Variants in DAB1 observed in about 807,000 individuals in gnomAD.
The protein encoded by DAB1 is DAB adaptor protein 1.
In DAB1, 15 loss-of-function variants were observed where a neutral mutation model predicts 64.6. That is an observed-to-expected ratio of 0.23 (90% CI 0.16 to 0.36). The LOEUF is 0.36. Among genes scored for constraint, DAB1 ranks in the 10% least tolerant of loss-of-function variants. DAB1 has a pLI of 1.00. For missense variants in DAB1, 596 were observed against 706.7 expected (o/e 0.84, Z 1.78); for synonymous variants, 235 against 251.9 (o/e 0.93, Z 0.64).
At chr1:57,977,821 C>G (rs538838949) in intron 5 of DAB1, among the ~76,000 whole-genome samples, 1 of 152,158 alleles carries the variant, frequency 6.6e-6, no homozygotes, top group Admixed American at 6.5e-5. Flanking sequence ...ACAATTGCTA[C>G]AAAGAGAATA....
At chr1:57,629,735 GA>G (rs35634554) in intron 7 of DAB1, among the ~76,000 whole-genome samples, 70,681 of 143,100 alleles carry the variant, frequency 0.49, 17,600 homozygotes, top group East Asian at 0.69. Flanking sequence ...TCAAGAACTT[GA>G]AAAAAAAAAA....
intron 2 of DAB1, among the ~76,000 whole-genome samples, chr1:57,228,188 A>C (rs1667413147): frequency 6.6e-6 from 1 of 152,180 alleles, no homozygotes; most frequent in Non-Finnish European, 1.5e-5. Flanking sequence ...TCTCCTTTGA[A>C]ATAGTCTTCA....
intron 7 of DAB1, among the ~76,000 whole-genome samples, chr1:57,591,344 A>G (rs190702838): frequency 6.6e-6 from 1 of 152,356 alleles, no homozygotes; most frequent in East Asian, 1.9e-4. Context: ...GGACCTGGTG[A>G]CTGGCCCATG....
At chr1:57,758,850 T>A (rs928717256) in intron 6 of DAB1, among the ~76,000 whole-genome samples, 7 of 152,206 alleles carry the variant, frequency 4.6e-5, no homozygotes, top group African/African-American at 1.7e-4. Flanking sequence ...CCTACTTTTG[T>A]CTGTTTGCAA....
At chr1:57,621,207 G>A (rs1303290628) in intron 7 of DAB1, among the ~76,000 whole-genome samples, 5 of 151,498 alleles carry the variant, frequency 3.3e-5, no homozygotes, top group East Asian at 2.0e-4. Flanking sequence ...GCACATGCAC[G>A]TGTGTGAGAG....
intron 3 of DAB1, among the ~76,000 whole-genome samples, chr1:58,406,242 C>T (rs567081316): frequency 5.9e-5 from 9 of 152,326 alleles, no homozygotes; most frequent in African/African-American, 1.9e-4. Context: ...CTGTGACCCT[C>T]AGGCCTGCAA....
chr1:58,230,484 G>GA (rs1424593926), intron 4 of DAB1, among the ~76,000 whole-genome samples: 1 of 152,086 alleles, frequency 6.6e-6, no homozygotes, highest in African/African-American at 2.4e-5. Context: ...CTTGTGCTTA[G>GA]AAAAAACCCA....
chr1:57,348,837 A>T (rs941081943), intron 1 of DAB1, among the ~76,000 whole-genome samples: 1 of 151,920 alleles, frequency 6.6e-6, no homozygotes, highest in Non-Finnish European at 1.5e-5. Flanking sequence ...TGGTTCTTTT[A>T]TTTCTCCAAC....
intron 1 of DAB1, among the ~76,000 whole-genome samples, chr1:57,345,563 T>C (rs1678009835): frequency 6.6e-6 from 1 of 152,200 alleles, no homozygotes; most frequent in South Asian, 2.1e-4. Context: ...TAAGAACTTT[T>C]ATGTATGCAA....
chr1:58,177,230 C>A (rs1345507429), intron 4 of DAB1, among the ~76,000 whole-genome samples: 1 of 152,168 alleles, frequency 6.6e-6, no homozygotes, highest in Non-Finnish European at 1.5e-5. Flanking sequence ...TCTACCTGCA[C>A]CAGAGCTGCC....
At chr1:57,213,534 A>G (rs1275862920) in intron 2 of DAB1, among the ~76,000 whole-genome samples, 2 of 152,154 alleles carry the variant, frequency 1.3e-5, no homozygotes, top group African/African-American at 4.8e-5. Context: ...TTCATCTCAA[A>G]CTACAGTCAT....
chr1:58,456,078 A>C (rs1331206634), intron 3 of DAB1, among the ~76,000 whole-genome samples: 4 of 152,262 alleles, frequency 2.6e-5, no homozygotes, highest in Non-Finnish European at 4.4e-5. Context: ...GTGGAGATGA[A>C]ATTACATAAA....
intron 6 of DAB1, among the ~76,000 whole-genome samples, chr1:57,721,540 A>T (rs1009850417): frequency 6.6e-6 from 1 of 152,230 alleles, no homozygotes; most frequent in African/African-American, 2.4e-5. Context: ...AAATGAGGAT[A>T]CTGAGCACAG....
At chr1:57,215,741 G>A (rs1303296855) in intron 2 of DAB1, among the ~76,000 whole-genome samples, 1 of 152,156 alleles carries the variant, frequency 6.6e-6, no homozygotes, top group Non-Finnish European at 1.5e-5. Context: ...TCCCCAACTA[G>A]ACTTAGGCAG....
chr1:57,169,317 C>T (rs182933818), intron 2 of DAB1, among the ~76,000 whole-genome samples: 1 of 152,220 alleles, frequency 6.6e-6, no homozygotes, highest in East Asian at 1.9e-4. Context: ...CTTGCAAGGG[C>T]CAGGATTTGT....
intron 3 of DAB1, among the ~76,000 whole-genome samples, chr1:58,464,417 C>G (rs1323858908): frequency 6.6e-6 from 1 of 152,088 alleles, no homozygotes; most frequent in East Asian, 1.9e-4. Flanking sequence ...GATCGTGTCC[C>G]CTGTCCTTGA....
intron 6 of DAB1, among the ~76,000 whole-genome samples, chr1:57,819,686 C>T (rs79415866): frequency 5.3e-5 from 8 of 152,266 alleles, no homozygotes; most frequent in South Asian, 2.1e-4. Context: ...CATAATGACA[C>T]GGATCTGCAT....
At chr1:58,226,336 T>C (rs909991966) in intron 4 of DAB1, among the ~76,000 whole-genome samples, 1 of 151,862 alleles carries the variant, frequency 6.6e-6, no homozygotes, top group African/African-American at 2.4e-5. Context: ...TCGCATGTTA[T>C]GGCACTAGTT....
intron 4 of DAB1, among the ~76,000 whole-genome samples, chr1:57,096,228 C>T (rs72672633): frequency 0.041 from 6,257 of 152,196 alleles, 186 homozygotes; most frequent in Non-Finnish European, 0.059. Flanking sequence ...ACTCCAGAGC[C>T]GGTGGTTTTT....
Sources: gnomAD v4.1 joint callset for allele counts (sites outside exome capture counted in the v4.1 genomes callset) on GRCh38, gnomAD v4.1.1 for gene constraint, MANE v1.5 for transcripts, NCBI Gene and HGNC (gene_info 2026-07-23, HGNC 2026-07-21) for gene names.